Variants in CNTN5 observed in about 807,000 individuals in gnomAD.
CNTN5 encodes the protein contactin 5.
Under a neutral mutation model 129.1 loss-of-function variants are expected in CNTN5, and 77 were observed. The ratio of observed to expected loss-of-function variants is 0.60; its 90% confidence interval spans 0.50 to 0.72. The LOEUF is 0.72. Among genes scored for constraint, CNTN5 ranks in the 30% least tolerant of loss-of-function variants. CNTN5 has a pLI of 0.00. For synonymous variants in CNTN5, 509 were observed against 465.6 expected (o/e 1.09, Z -1.20); for missense variants, 1,478 against 1,328.8 (o/e 1.11, Z -1.75).
At chr11:99,430,742 C>T (rs965215507) in intron 2 of CNTN5, among the ~76,000 whole-genome samples, 5 of 151,114 alleles carry the variant, frequency 3.3e-5, no homozygotes, top group Non-Finnish European at 5.9e-5. Flanking sequence ...GTTGGGGGGG[C>T]GGGGAGAAAA....
intron 6 of CNTN5, among the ~76,000 whole-genome samples, chr11:99,874,792 C>T (rs1413655394): frequency 1.3e-5 from 2 of 152,086 alleles, no homozygotes; most frequent in Admixed American, 1.3e-4. Context: ...GATTTAAATA[C>T]ATTGATAGAT....
intron 3 of CNTN5, among the ~76,000 whole-genome samples, chr11:99,763,643 C>A (rs10893860): frequency 0.16 from 23,969 of 151,872 alleles, 1,988 homozygotes; most frequent in Non-Finnish European, 0.17. Flanking sequence ...CATTAAGAGA[C>A]AGAGTTCTAA....
At chr11:99,583,162 G>T (rs2135629190) in intron 3 of CNTN5, among the ~76,000 whole-genome samples, 1 of 152,330 alleles carries the variant, frequency 6.6e-6, no homozygotes, top group Non-Finnish European at 1.5e-5. Context: ...CGTAAATGCT[G>T]CTGCCTGATC....
chr11:99,872,538 C>T (rs1367157897), intron 6 of CNTN5, among the ~76,000 whole-genome samples: 1 of 152,010 alleles, frequency 6.6e-6, no homozygotes, highest in East Asian at 1.9e-4. Context: ...ATTGAAGATA[C>T]CCTGCAGAAG....
In CNTN5 at chr11:100,358,436, T is replaced by C. The variant is rs1309560657; in HGVS notation, c.*2216T>C. ...ATGTTTTTACTTAACATACACAGAA[T>C]ATGTATTTTGCATCATAAACCTATT... On this transcript the variant is annotated 3_prime_UTR_variant, in exon 25 of 25. Coordinates refer to ENST00000524871, the MANE Select transcript of CNTN5 (RefSeq NM_014361.4). 1 of 151,914 alleles carries C rather than the reference T, an allele frequency of 6.6e-6. No individual in the cohort carries two copies. Among genetic ancestry groups the C allele is most frequent in the Non-Finnish European group, 1.5e-5 (1 of 67,840 alleles). 9.4% of individuals were successfully genotyped at this position (151,914 alleles called of 1,614,324 possible).
chr11:100,166,896 T>C (rs1947655679), intron 13 of CNTN5, among the ~76,000 whole-genome samples: 1 of 151,806 alleles, frequency 6.6e-6, no homozygotes, highest in South Asian at 2.1e-4. Context: ...AAAGATACAT[T>C]AGAAATCAAC....
chr11:100,144,800 A>G (rs1266170193), intron 13 of CNTN5, among the ~76,000 whole-genome samples: 1 of 151,274 alleles, frequency 6.6e-6, no homozygotes, highest in African/African-American at 2.4e-5. Context: ...CTTGTATTTC[A>G]TAATAAAGCC....
At chr11:99,665,699 C>G (rs1014600905) in intron 3 of CNTN5, among the ~76,000 whole-genome samples, 2 of 151,804 alleles carry the variant, frequency 1.3e-5, no homozygotes, top group Non-Finnish European at 2.9e-5. Context: ...GTTGGCCAGG[C>G]TGATCTCCAA....
At chr11:100,092,955 C>T (rs1311626849) in intron 13 of CNTN5, among the ~76,000 whole-genome samples, 4 of 152,112 alleles carry the variant, frequency 2.6e-5, no homozygotes, top group Non-Finnish European at 5.9e-5. Flanking sequence ...TCGCAGATCC[C>T]TACTCGCCCT....
At chr11:99,861,384 C>A (rs557762368) in intron 6 of CNTN5, among the ~76,000 whole-genome samples, 5 of 152,122 alleles carry the variant, frequency 3.3e-5, no homozygotes, top group Non-Finnish European at 7.4e-5. Context: ...TTCTTAAAAT[C>A]TATTCAACAG....
At chr11:99,197,563 A>G (rs1328304353) in intron 1 of CNTN5, among the ~76,000 whole-genome samples, 1 of 152,000 alleles carries the variant, frequency 6.6e-6, no homozygotes, top group Non-Finnish European at 1.5e-5. Context: ...TCTTCAGGCA[A>G]TTTTACATTT....
intron 7 of CNTN5, among the ~76,000 whole-genome samples, chr11:99,945,414 A>G (rs542839669): frequency 6.6e-6 from 1 of 152,024 alleles, no homozygotes; most frequent in East Asian, 1.9e-4. Flanking sequence ...GCTATGTTTT[A>G]TGAAGTTTTT....
At chr11:99,219,616 A>G (rs575167935) in intron 1 of CNTN5, among the ~76,000 whole-genome samples, 15 of 151,726 alleles carry the variant, frequency 9.9e-5, no homozygotes, top group Admixed American at 5.9e-4. Flanking sequence ...ATCTTTCAGC[A>G]CTTGTAGACC....
intron 8 of CNTN5, among the ~76,000 whole-genome samples, chr11:99,976,729 C>T (rs865923556): frequency 6.6e-6 from 1 of 152,190 alleles, no homozygotes; most frequent in Non-Finnish European, 1.5e-5. Flanking sequence ...CCAGGCATGG[C>T]CTGTGAAACT....
rs1173014283 is a variant in CNTN5 at position 99,626,065 on chromosome 11, C to T, written c.55+69796C>T. ...AACTTCATGAAATTATGAGGGAGGC[C>T]GTGAAGGACACACAGAGATGTGTTA... On this transcript the variant is annotated intron_variant, in intron 3 of 24. Coordinates refer to ENST00000524871, the MANE Select transcript of CNTN5 (RefSeq NM_014361.4). Among the ~76,000 whole-genome samples the T allele has an allele frequency of 4.0e-5, 6 of 151,728 alleles. No individual in the cohort carries two copies. The East Asian group carries it at 9.7e-4, about 25-fold the overall frequency.
intron 9 of CNTN5, among the ~76,000 whole-genome samples, chr11:100,034,152 C>CTGT (rs1941862926): frequency 6.6e-6 from 1 of 152,170 alleles, no homozygotes. Flanking sequence ...AGCTCACTCT[C>CTGT]AAGTTTTTAA....
At chr11:100,290,372 G>A (rs1187425134) in intron 18 of CNTN5, among the ~76,000 whole-genome samples, 60 of 151,552 alleles carry the variant, frequency 4.0e-4, no homozygotes, top group African/African-American at 1.3e-3. Flanking sequence ...CAAGGCTACA[G>A]TAACCAAAAC....
chr11:99,516,161 C>G (rs1054808372), intron 2 of CNTN5, among the ~76,000 whole-genome samples: 3 of 151,898 alleles, frequency 2.0e-5, no homozygotes, highest in African/African-American at 4.8e-5. Context: ...ATTTACAATA[C>G]TCATAAATAT....
At position 100,150,001 on chromosome 11, in the gene CNTN5, T is replaced by G. The variant is rs1436789676; in HGVS notation, c.1581-41125T>G. Among the ~76,000 whole-genome samples, 3 of 152,154 alleles carry G rather than the reference T, an allele frequency of 2.0e-5. No homozygotes were observed. In the East Asian group the frequency reaches 5.8e-4, roughly 29 times the overall value. ...GTTACACTTTAATCCAAACAAACTG[T>G]GATATTCTACCAATATAAACAGGAG... On this transcript the variant is annotated intron_variant, in intron 13 of 24. Coordinates refer to ENST00000524871, the MANE Select transcript of CNTN5 (RefSeq NM_014361.4).
Sources: gnomAD v4.1 joint callset for allele counts (sites outside exome capture counted in the v4.1 genomes callset) on GRCh38, gnomAD v4.1.1 for gene constraint, MANE v1.5 for transcripts, NCBI Gene and HGNC (gene_info 2026-07-23, HGNC 2026-07-21) for gene names.